GALNT13: variants seen among roughly 807,000 people sequenced by gnomAD.
GALNT13 encodes the protein polypeptide N-acetylgalactosaminyltransferase 13.
Under a neutral mutation model 64.2 loss-of-function variants are expected in GALNT13, and 28 were observed. That is an observed-to-expected ratio of 0.44 (90% CI 0.32 to 0.60). The LOEUF (loss-of-function observed/expected upper bound fraction) is 0.60, where lower values mean the gene tolerates loss of function less well. Among genes scored for constraint, GALNT13 ranks in the 20% least tolerant of loss-of-function variants. The pLI, the probability that GALNT13 is intolerant of heterozygous loss-of-function variation, is 0.05. For synonymous variants in GALNT13, 214 were observed against 224.6 expected, an observed-to-expected ratio of 0.95 and a Z score of 0.42; for missense variants, 577 against 669.8, an observed-to-expected ratio of 0.86 and a Z score of 1.53.
At chr2:153,447,470 T>C in the GALNT13 span, among the ~76,000 whole-genome samples, 1 of 152,188 alleles carries the variant, frequency 6.6e-6, no homozygotes, top group Admixed American at 6.5e-5. Context: ...AGGGGAAAAA[T>C]ACACGTATAA....
intron 3 of GALNT13, among the ~76,000 whole-genome samples, chr2:154,073,293 C>G (rs577099012): frequency 6.6e-6 from 1 of 152,072 alleles, no homozygotes; most frequent in Non-Finnish European, 1.5e-5. Flanking sequence ...GAAAGAATTA[C>G]TATGGGTAAT....
At chr2:153,959,964 A>G (rs936872005) in intron 3 of GALNT13, among the ~76,000 whole-genome samples, 1 of 152,136 alleles carries the variant, frequency 6.6e-6, no homozygotes, top group Non-Finnish European at 1.5e-5. Flanking sequence ...CTCAGCTGCC[A>G]CAGTGGGAGG....
chr2:153,124,330 G>C, the GALNT13 span, among the ~76,000 whole-genome samples: 1 of 152,178 alleles, frequency 6.6e-6, no homozygotes, highest in Admixed American at 6.5e-5. Flanking sequence ...CAGAAACTGT[G>C]ATATAATAAA....
intron 9 of GALNT13, among the ~76,000 whole-genome samples, chr2:154,383,256 T>C (rs2105335923): frequency 6.6e-6 from 1 of 152,056 alleles, no homozygotes; most frequent in South Asian, 2.1e-4. Context: ...ATTTAGTGAG[T>C]ATTTACTATG....
the GALNT13 span, among the ~76,000 whole-genome samples, chr2:153,543,665 A>G: frequency 6.6e-6 from 1 of 152,184 alleles, no homozygotes; most frequent in South Asian, 2.1e-4. Flanking sequence ...AAAACTCAAT[A>G]AATGCCTGTG....
At chr2:154,320,492 A>G (rs78652544) in intron 9 of GALNT13, among the ~76,000 whole-genome samples, 3,175 of 152,224 alleles carry the variant, frequency 0.021, 99 homozygotes, top group African/African-American at 0.072. Context: ...AGAAATGTTT[A>G]TTTTTGTTAG....
At chr2:153,345,679 CTTTCTTTCTTTCTTTCTTTCTT>C in the GALNT13 span, among the ~76,000 whole-genome samples, 15 of 138,368 alleles carry the variant, frequency 1.1e-4, no homozygotes, top group African/African-American at 3.0e-4. Context: ...TTCTTTCTTT[CTTTCTTTCTTTCTTTCTTTCTT>C]TCTCTTTCTC....
At chr2:153,106,922 CTGAT>C in the GALNT13 span, among the ~76,000 whole-genome samples, 1 of 152,080 alleles carries the variant, frequency 6.6e-6, no homozygotes, top group Admixed American at 6.6e-5. Flanking sequence ...GTATGAAAAT[CTGAT>C]TGAATACTTA....
chr2:153,476,065 A>G, the GALNT13 span, among the ~76,000 whole-genome samples: 1 of 152,204 alleles, frequency 6.6e-6, no homozygotes, highest in African/African-American at 2.4e-5. Context: ...AAACAAGCAA[A>G]CAAACCCTTA....
At chr2:153,129,284 A>G in the GALNT13 span, among the ~76,000 whole-genome samples, 1 of 152,184 alleles carries the variant, frequency 6.6e-6, no homozygotes, top group East Asian at 1.9e-4. Flanking sequence ...AAGTCCTTCT[A>G]CTCAAAATTT....
At chr2:153,186,225 C>T in the GALNT13 span, among the ~76,000 whole-genome samples, 3 of 151,932 alleles carry the variant, frequency 2.0e-5, no homozygotes, top group African/African-American at 7.3e-5. Flanking sequence ...CCTTCTTTGT[C>T]TTTTGTTTAT....
the GALNT13 span, among the ~76,000 whole-genome samples, chr2:153,764,002 C>T: frequency 6.6e-6 from 1 of 152,092 alleles, no homozygotes; most frequent in Admixed American, 6.6e-5. Context: ...TTTGGAACTT[C>T]CTACAGACTT....
At chr2:153,307,392 TG>T in the GALNT13 span, among the ~76,000 whole-genome samples, 2 of 152,086 alleles carry the variant, frequency 1.3e-5, no homozygotes, top group Non-Finnish European at 2.9e-5. Context: ...ACGTAGGCTT[TG>T]AAAAAAATAG....
At chr2:153,150,270 C>A in the GALNT13 span, among the ~76,000 whole-genome samples, 1 of 152,006 alleles carries the variant, frequency 6.6e-6, no homozygotes, top group Non-Finnish European at 1.5e-5. Flanking sequence ...TAAATGTCCT[C>A]TTTTGAGAAG....
At chr2:153,868,016 T>C (rs1012522988), upstream of GALNT13, among the ~76,000 whole-genome samples, 1 of 152,114 alleles carries the variant, frequency 6.6e-6, no homozygotes, top group Non-Finnish European at 1.5e-5. Context: ...GACCTTTGGG[T>C]TAGGACATAC....
At chr2:154,098,022 C>A (rs1410300665) in intron 3 of GALNT13, among the ~76,000 whole-genome samples, 1 of 151,392 alleles carries the variant, frequency 6.6e-6, no homozygotes, top group East Asian at 1.9e-4. Flanking sequence ...ACTCTGGAGT[C>A]TCCCTTGAGT....
chr2:153,238,674 C>A, the GALNT13 span, among the ~76,000 whole-genome samples: 2 of 148,798 alleles, frequency 1.3e-5, no homozygotes, highest in Non-Finnish European at 3.0e-5. Flanking sequence ...GTTCTCTATT[C>A]TGCTCCATTA....
At chr2:153,997,471 A>G (rs183083630) in intron 3 of GALNT13, among the ~76,000 whole-genome samples, 6 of 150,608 alleles carry the variant, frequency 4.0e-5, no homozygotes, top group Admixed American at 3.3e-4. Context: ...TCTTTTTTAC[A>G]TAGTTTGCTA....
At chr2:154,312,380 T>C (rs1051970861) in intron 9 of GALNT13, among the ~76,000 whole-genome samples, 1 of 152,234 alleles carries the variant, frequency 6.6e-6, no homozygotes, top group Non-Finnish European at 1.5e-5. Context: ...AATTTTCTAA[T>C]GACATTGGGA....
Sources: allele counts gnomAD v4.1 joint callset (sites outside exome capture counted in the v4.1 genomes callset), GRCh38; gene constraint gnomAD v4.1.1; transcripts MANE v1.5; gene names NCBI Gene and HGNC (gene_info 2026-07-23, HGNC 2026-07-21).